RIOK2: variants seen among roughly 807,000 people sequenced by gnomAD.
The protein encoded by RIOK2 is RIO kinase 2.
In RIOK2, 46 loss-of-function variants were observed where a neutral mutation model predicts 62.4. The observed-to-expected ratio is 0.74, with a 90% CI of 0.58 to 0.94. The LOEUF is 0.94. Among genes scored for constraint, RIOK2 ranks in the 40% least tolerant of loss-of-function variants. The probability of loss-of-function intolerance (pLI) is 0.00; values close to 1 mark genes in which losing one functional copy is unlikely to be tolerated. For missense variants in RIOK2, 574 were observed against 658.0 expected, an observed-to-expected ratio of 0.87 and a Z score of 1.40; for synonymous variants, 197 against 216.0, an observed-to-expected ratio of 0.91 and a Z score of 0.77.
intron 4 of RIOK2, 189 bp downstream of exon 4, chr5:97,176,927 A>G: frequency 1.8e-6 from 1 of 545,624 alleles, no homozygotes; most frequent in Non-Finnish European, 3.2e-6. Context: ...AAAATACCTT[A>G]ACGTAGAAGG....
At chr5:97,180,916 G>A (rs901517701) in intron 1 of RIOK2, among the ~76,000 whole-genome samples, 1 of 151,904 alleles carries the variant, frequency 6.6e-6, no homozygotes, top group Non-Finnish European at 1.5e-5. Context: ...CTTGGGAAAA[G>A]AGAAAGGGGG....
At position 97,164,276 on chromosome 5, in the gene RIOK2, G is replaced by A. The variant is rs377333953; in HGVS notation, c.1494+775C>T. On this transcript the variant is annotated intron_variant, in intron 9 of 9. Transcript: ENST00000283109. The stretch of plus-strand genomic sequence containing the variant: ...AGCACTTTGGGAGGCTGAGGTGGGT[G>A]GATCACCTGAGGTCAGGAGTTCGAG... Among the ~76,000 whole-genome samples the A allele has an allele frequency of 1.1e-4, 17 of 151,940 alleles. No individual in the cohort carries two copies. In the South Asian group the frequency reaches 3.5e-3, roughly 32 times the overall value.
In RIOK2 at chr5:97,161,584, C is replaced by T. The variant is rs1748701507; in HGVS notation, c.*1477G>A. On this transcript the variant is annotated 3_prime_UTR_variant, in exon 10 of 10. Transcript: ENST00000283109. ...CATTTCTGATTGGAATAATTAATTC[C>T]TTGGCCCACAAGAAATCTTAGGCTA... The T allele has an allele frequency of 6.6e-6, 1 of 152,102 alleles. No homozygotes were observed. Among genetic ancestry groups the T allele is most frequent in the Non-Finnish European group, 1.5e-5 (1 of 68,002 alleles). The allele number at this position is 152,102 out of a possible 1,614,324, so 9.4% of individuals were successfully genotyped here. A position where few individuals can be genotyped will look rare whatever the true frequency, so the allele number is the denominator to read the frequency against.
In RIOK2 at chr5:97,180,126, G is replaced by GTGTATATATATATATGTATGTATATATA. The variant is rs1554083581; in HGVS notation, c.67-934_67-933insTATATATACATACATATATATATATACA. Among the ~76,000 whole-genome samples the GTGTATATATATATATGTATGTATATATA allele has an allele frequency of 2.4e-3, 74 of 30,774 alleles. 2 individuals are homozygous for GTGTATATATATATATGTATGTATATATA. Among genetic ancestry groups the GTGTATATATATATATGTATGTATATATA allele is most frequent in the Non-Finnish European group, 4.7e-3 (64 of 13,568 alleles). The allele number at this position is 30,774 out of a possible 152,430, so 20.2% of individuals were successfully genotyped here. On this transcript the variant is annotated intron_variant, in intron 1 of 9. Coordinates refer to ENST00000283109, the MANE Select transcript of RIOK2 (RefSeq NM_018343.3). ...TACATGCTCTTCTGCATGTGTATATGTATATATATATATATGTATATATAT... is the reference window on the plus strand; with the variant it reads ...TACATGCTCTTCTGCATGTGTATATGTGTATATATATATATGTATGTATATATATATATATATATATATGTATATATAT...
Position 97,163,146 on chromosome 5 carries a change from TCTC to T in RIOK2, c.1571_1573del (p.Gly524del). The T allele has an allele frequency of 6.2e-7, 1 of 1,613,738 alleles. No homozygotes were observed. The highest frequency in any genetic ancestry group is 8.5e-7 in the Non-Finnish European group (1 of 1,179,844). ...ACGTTGCTTGGTAAATATATTTGCT[TCTC>T]CTTTCTGCAATCGACGTCTGACAGC... On this transcript the variant is annotated inframe_deletion, in exon 10 of 10. Transcript: ENST00000283109.
rs1314901161 is a variant in RIOK2, at chr5:97,167,985, TTC to T, written c.877_878del (p.Glu293ArgfsTer4). ...CAGAAACCTCCACATCAAGAGTGTC[TTC>T]TCTCCTAGAAAAAAAAGGCGTCAAG... Reference protein sequence around the residue: ...LFPTFKDIRREDTLDVEVSAS... With the variant: ...LFPTFKDIRRXDTLDVEVSAS... On this transcript the variant is annotated frameshift_variant, in exon 8 of 10. Coordinates refer to ENST00000283109, the MANE Select transcript of RIOK2 (RefSeq NM_018343.3). LOFTEE classifies it high-confidence loss of function. 1 of 1,583,746 alleles carries T rather than the reference TTC, an allele frequency of 6.3e-7. No individual in the cohort carries two copies. The highest frequency in any genetic ancestry group is 8.5e-7 in the Non-Finnish European group (1 of 1,172,900).
chr5:97,174,897 G>A (rs1749121840), intron 4 of RIOK2, among the ~76,000 whole-genome samples: 1 of 151,814 alleles, frequency 6.6e-6, no homozygotes, highest in South Asian at 2.1e-4. Context: ...ACACAGCAAG[G>A]TCCTGTCTCT....
chr5:97,171,338 ATTAG>A lies in RIOK2; in HGVS notation c.643_646del (p.Ile216SerfsTer8), dbSNP rs765811105. ...CAGCCCATGATTTGCAAGTTTGACA[ATTAG>A]TTCCATAGCTTCATCATATACTGAT... On this transcript the variant is annotated frameshift_variant, in exon 6 of 10. Transcript: ENST00000283109. LOFTEE classifies it high-confidence loss of function. 9.3e-6 allele frequency: 15 copies of A among 1,608,534 alleles called. No homozygotes were observed. Among genetic ancestry groups the A allele is most frequent in the Non-Finnish European group, 1.2e-5 (14 of 1,177,898 alleles).
chr5:97,171,259 G>A lies in RIOK2; in HGVS notation c.726C>T (p.Ile242=), dbSNP rs748501570. The A allele has an allele frequency of 6.2e-7, 1 of 1,604,122 alleles. No homozygotes were observed. The highest frequency in any genetic ancestry group is 8.5e-7 in the Non-Finnish European group (1 of 1,174,910). ...FNLILDESDH[I]TMIDFPQMVS... ...CCATCTGTGGAAAATCAATCATGGTGATATGGTCACTTTCATCCAAAATGA... is the reference window on the plus strand; with the variant it reads ...CCATCTGTGGAAAATCAATCATGGTAATATGGTCACTTTCATCCAAAATGA... Residue 242 remains isoleucine, a synonymous_variant, in exon 6 of 10, where the codon ATC becomes ATT. Coordinates refer to ENST00000283109, the MANE Select transcript of RIOK2 (RefSeq NM_018343.3).
rs1330912426 is a variant in RIOK2 at position 97,162,336 on chromosome 5, A to G, written c.*725T>C. The G allele has an allele frequency of 1.3e-5, 2 of 152,212 alleles. No individual in the cohort carries two copies. Among genetic ancestry groups the G allele is most frequent in the Non-Finnish European group, 2.9e-5 (2 of 68,058 alleles). 9.4% of individuals were successfully genotyped at this position (152,212 alleles called of 1,614,324 possible). ...TATTTGTTAACCTTGAGGTGAGAAC[A>G]TGTTCCGGACCCACTTATATAATAA... is the stretch of plus-strand genomic sequence containing the variant. On this transcript the variant is annotated 3_prime_UTR_variant, in exon 10 of 10. Coordinates refer to ENST00000283109, the MANE Select transcript of RIOK2 (RefSeq NM_018343.3).
In RIOK2 at chr5:97,162,794, A is replaced by G. The variant is rs1748737657; in HGVS notation, c.*267T>C. On this transcript the variant is annotated 3_prime_UTR_variant, in exon 10 of 10. Coordinates refer to ENST00000283109, the MANE Select transcript of RIOK2 (RefSeq NM_018343.3). ...ATCCTCAACAAACAGAAAACAACAA[A>G]AATGTTATTTAGATTTTTAAAAATA... is the stretch of plus-strand genomic sequence containing the variant. The G allele has an allele frequency of 5.7e-6, 2 of 351,002 alleles. No individual in the cohort carries two copies. The highest frequency in any genetic ancestry group is 4.3e-5 in the African/African-American group (2 of 46,728). 21.7% of individuals were successfully genotyped at this position (351,002 alleles called of 1,614,324 possible).
intron 5 of RIOK2, 61 bp from the exon 6 acceptor site, chr5:97,171,458 T>C (rs1749007334): frequency 8.4e-7 from 1 of 1,186,240 alleles, no homozygotes; most frequent in African/African-American, 1.6e-5. Flanking sequence ...TTAACGAAAG[T>C]ATGTATGCAT....
chr5:97,168,884 C>G (rs115556241), intron 6 of RIOK2, 32 bp from the exon 7 acceptor site: 6 of 1,310,348 alleles, frequency 4.6e-6, no homozygotes, highest in Non-Finnish European at 6.4e-6. Flanking sequence ...ATGATATAGT[C>G]TTTATTGCTC....
At chr5:97,169,675 T>C (rs1190026263) in intron 6 of RIOK2, among the ~76,000 whole-genome samples, 1 of 152,236 alleles carries the variant, frequency 6.6e-6, no homozygotes, top group African/African-American at 2.4e-5. Context: ...TTATATATGT[T>C]TACATCTCCC....
chr5:97,171,671 C>A (rs1293448592), intron 5 of RIOK2, among the ~76,000 whole-genome samples: 2 of 152,204 alleles, frequency 1.3e-5, no homozygotes, highest in Admixed American at 1.3e-4. Flanking sequence ...TCCTCCTACT[C>A]TCTCATACCA....
Position 97,162,708 on chromosome 5 carries a change from T to C in RIOK2, c.*353A>G, listed in dbSNP as rs1025337680. On this transcript the variant is annotated 3_prime_UTR_variant, in exon 10 of 10. Transcript: ENST00000283109. Reference sequence around the variant, plus strand: ...TTATGATTCTAATAGCCATGTTTTATTGAATGCTTAAGAATGTGCTAAACA... The same window carrying C: ...TTATGATTCTAATAGCCATGTTTTACTGAATGCTTAAGAATGTGCTAAACA... 58 of 165,566 alleles carry C rather than the reference T, an allele frequency of 3.5e-4. No individual in the cohort carries two copies. Among genetic ancestry groups the C allele is most frequent in the Non-Finnish European group, 7.8e-5 (6 of 77,236 alleles). 10.3% of individuals were successfully genotyped at this position (165,566 alleles called of 1,614,324 possible).
intron 4 of RIOK2, among the ~76,000 whole-genome samples, chr5:97,175,761 C>T (rs1404175601): frequency 2.0e-5 from 3 of 152,182 alleles, no homozygotes; most frequent in African/African-American, 7.2e-5. Context: ...CTTTAATTCA[C>T]ATTGTTTTGA....
At position 97,177,283 on chromosome 5, in the gene RIOK2, T is replaced by G; in HGVS notation, c.331A>C (p.Ile111Leu). 1.2e-6 allele frequency: 2 copies of G among 1,610,114 alleles called. No individual in the cohort carries two copies. The highest frequency in any genetic ancestry group is 1.7e-5 in the Admixed American group (1 of 59,410). ...TGTTGTCCTTCTTCATTTGCAACAATGTAAATATCTAGAGACAAAATTTCA... is the reference window on the plus strand; with the variant it reads ...TGTTGTCCTTCTTCATTTGCAACAAGGTAAATATCTAGAGACAAAATTTCA... ...MGVGKESDIY[I>L]VANEEGQQFA... The change falls in exon 4 of 10, where the codon ATT (isoleucine) becomes CTT (leucine). Residue 111 changes from isoleucine (I) to leucine (L), a missense_variant. By Grantham distance (5) the Ile-to-Leu change is conservative. Coordinates refer to ENST00000283109, the MANE Select transcript of RIOK2 (RefSeq NM_018343.3).
In RIOK2 at chr5:97,160,956, A is replaced by T. The variant is rs972474883; in HGVS notation, c.*2105T>A. 3 of 152,242 alleles carry T rather than the reference A, an allele frequency of 2.0e-5. No individual in the cohort carries two copies. Among genetic ancestry groups the T allele is most frequent in the Non-Finnish European group, 4.4e-5 (3 of 68,036 alleles). 9.4% of individuals were successfully genotyped at this position (152,242 alleles called of 1,614,324 possible). ...CATCTTTCAGTCTGGATAAATACACAACAAAGGATCATAGCTGAAATACCA... is the reference window on the plus strand; with the variant it reads ...CATCTTTCAGTCTGGATAAATACACTACAAAGGATCATAGCTGAAATACCA... On this transcript the variant is annotated 3_prime_UTR_variant, in exon 10 of 10. Transcript: ENST00000283109.
Sources: allele counts gnomAD v4.1 joint callset (sites outside exome capture counted in the v4.1 genomes callset), GRCh38; gene constraint gnomAD v4.1.1; transcripts MANE v1.5; gene names NCBI Gene and HGNC (gene_info 2026-07-23, HGNC 2026-07-21).